CDH13: variants seen among roughly 807,000 people sequenced by gnomAD.
The protein encoded by CDH13 is cadherin 13.
CDH13 carries 24 observed loss-of-function variants against 63.8 expected under a neutral mutation model. That is an observed-to-expected ratio of 0.38 (90% CI 0.27 to 0.53). The LOEUF (loss-of-function observed/expected upper bound fraction) is 0.53. Ranked by LOEUF, CDH13 falls within the 20% of genes least tolerant of loss-of-function variation. The probability of loss-of-function intolerance (pLI) is 0.85; values close to 1 mark genes in which losing one functional copy is unlikely to be tolerated. For missense variants in CDH13, 1,049 were observed against 903.1 expected, an observed-to-expected ratio of 1.16 and a Z score of -2.07; for synonymous variants, 503 against 355.3, an observed-to-expected ratio of 1.42 and a Z score of -4.67.
At chr16:82,749,388 A>T (rs762058100) in intron 1 of CDH13, among the ~76,000 whole-genome samples, 9 of 152,188 alleles carry the variant, frequency 5.9e-5, no homozygotes, top group Non-Finnish European at 1.0e-4. Context: ...GTTTGAAGAG[A>T]GAGGTAACCC....
chr16:82,784,100 T>C, intron 1 of CDH13, among the ~76,000 whole-genome samples: 1 of 152,094 alleles, frequency 6.6e-6, no homozygotes, highest in South Asian at 2.1e-4. Flanking sequence ...CAAGTTGCAG[T>C]AAAAGAAATC....
intron 5 of CDH13, among the ~76,000 whole-genome samples, chr16:83,328,712 A>G (rs1197814351): frequency 3.9e-5 from 6 of 152,198 alleles, no homozygotes; most frequent in African/African-American, 4.8e-5. Flanking sequence ...GTGGATGTGT[A>G]TAAGGAGCAT....
intron 2 of CDH13, among the ~76,000 whole-genome samples, chr16:83,009,372 G>C (rs1913882243): frequency 6.6e-6 from 1 of 152,224 alleles, no homozygotes; most frequent in South Asian, 2.1e-4. Context: ...GAGAGGAGCA[G>C]TGAACTGTGG....
At chr16:82,771,127 T>A (rs939381817) in intron 1 of CDH13, among the ~76,000 whole-genome samples, 6 of 152,232 alleles carry the variant, frequency 3.9e-5, no homozygotes, top group South Asian at 2.1e-4. Context: ...GTTTTATAAT[T>A]TTTTGCAAAC....
chr16:82,883,555 C>A (rs1041827780), intron 2 of CDH13, among the ~76,000 whole-genome samples: 1 of 152,188 alleles, frequency 6.6e-6, no homozygotes, highest in Admixed American at 6.5e-5. Context: ...ATAGCAAACC[C>A]ATGCTTTGTC....
chr16:83,087,718 C>A (rs1022711776), intron 3 of CDH13, among the ~76,000 whole-genome samples: 1 of 139,734 alleles, frequency 7.2e-6, no homozygotes, highest in Non-Finnish European at 1.5e-5. Context: ...AAAGTATTAG[C>A]AAGTTCCTGT....
chr16:82,951,154 C>T (rs913317544), intron 2 of CDH13, among the ~76,000 whole-genome samples: 2 of 151,992 alleles, frequency 1.3e-5, no homozygotes, highest in Non-Finnish European at 2.9e-5. Flanking sequence ...TGTGTGTGTG[C>T]TTGTGTACAT....
At chr16:83,511,868 T>C (rs560443183) in intron 7 of CDH13, among the ~76,000 whole-genome samples, 1 of 152,256 alleles carries the variant, frequency 6.6e-6, no homozygotes, top group Admixed American at 6.5e-5. Flanking sequence ...TCTCCCTTCC[T>C]AGCTTTGAGG....
intron 6 of CDH13, among the ~76,000 whole-genome samples, chr16:83,439,946 G>C (rs1208143405): frequency 6.6e-6 from 1 of 152,120 alleles, no homozygotes; most frequent in Non-Finnish European, 1.5e-5. Flanking sequence ...TAGTAACTTG[G>C]GTGTCAAATG....
At chr16:83,298,065 A>G (rs554005739) in intron 5 of CDH13, among the ~76,000 whole-genome samples, 2 of 149,894 alleles carry the variant, frequency 1.3e-5, no homozygotes, top group Admixed American at 6.6e-5. Flanking sequence ...AAAAAAAAAG[A>G]AAAAGAAAAA....
chr16:83,359,163 A>T (rs1309940555), intron 6 of CDH13, among the ~76,000 whole-genome samples: 1 of 152,168 alleles, frequency 6.6e-6, no homozygotes, highest in Non-Finnish European at 1.5e-5. Context: ...GTATTCTGAC[A>T]AGGGTACAGC....
chr16:83,118,229 C>G (rs2035401389), intron 3 of CDH13, among the ~76,000 whole-genome samples: 1 of 152,186 alleles, frequency 6.6e-6, no homozygotes, highest in Non-Finnish European at 1.5e-5. Flanking sequence ...CCTCTGCACA[C>G]CTCTGCGTGC....
At chr16:82,932,884 G>A (rs1238445431) in intron 2 of CDH13, among the ~76,000 whole-genome samples, 1 of 152,204 alleles carries the variant, frequency 6.6e-6, no homozygotes, top group Non-Finnish European at 1.5e-5. Context: ...TAGTAGAGAA[G>A]TTGACTAGTA....
chr16:83,146,668 C>G (rs761672577), intron 4 of CDH13, among the ~76,000 whole-genome samples: 8 of 152,202 alleles, frequency 5.3e-5, no homozygotes, highest in Non-Finnish European at 1.0e-4. Context: ...GCAGCAGCAG[C>G]TGGAGAAGTA....
chr16:82,782,298 A>G (rs952183860), intron 1 of CDH13, among the ~76,000 whole-genome samples: 4 of 152,344 alleles, frequency 2.6e-5, no homozygotes, highest in Middle Eastern at 6.8e-3. Flanking sequence ...ACAATGGCTC[A>G]CGCCTGTAAT....
chr16:83,781,176 C>G (rs1187934148), intron 12 of CDH13, among the ~76,000 whole-genome samples: 1 of 152,210 alleles, frequency 6.6e-6, no homozygotes, highest in Non-Finnish European at 1.5e-5. Flanking sequence ...GAATTCAAAA[C>G]TTAACCCAAC....
At chr16:82,819,762 A>G (rs1397315933) in intron 1 of CDH13, among the ~76,000 whole-genome samples, 2 of 152,220 alleles carry the variant, frequency 1.3e-5, no homozygotes, top group East Asian at 3.8e-4. Flanking sequence ...GGCAGTTTTT[A>G]GGCACTTGGA....
chr16:82,890,191 G>A (rs1322949161), intron 2 of CDH13, among the ~76,000 whole-genome samples: 1 of 152,166 alleles, frequency 6.6e-6, no homozygotes, highest in Non-Finnish European at 1.5e-5. Flanking sequence ...TTGTAAGGAG[G>A]GACCATACTT....
intron 1 of CDH13, among the ~76,000 whole-genome samples, chr16:82,815,582 T>C (rs1469243597): frequency 6.6e-6 from 1 of 152,166 alleles, no homozygotes; most frequent in Non-Finnish European, 1.5e-5. Context: ...CAAAAGGCAA[T>C]TCCCATGGGA....
Sources: gnomAD v4.1 joint callset for allele counts (sites outside exome capture counted in the v4.1 genomes callset) on GRCh38, gnomAD v4.1.1 for gene constraint, MANE v1.5 for transcripts, NCBI Gene and HGNC (gene_info 2026-07-23, HGNC 2026-07-21) for gene names.